The following ACVR1 variants were observed in gnomAD, a reference collection of about 807,000 sequenced individuals.
The protein encoded by ACVR1 is activin A receptor type 1, also known as activin receptor type-1.
Under a neutral mutation model 57.1 loss-of-function variants are expected in ACVR1, and 38 were observed. The observed-to-expected ratio is 0.67, with a 90% CI of 0.51 to 0.87. ACVR1 has a LOEUF of 0.87. Ranked by LOEUF, ACVR1 falls within the 40% of genes least tolerant of loss-of-function variation. The pLI is 0.00. For synonymous variants in ACVR1, 212 were observed against 228.1 expected (o/e 0.93, Z 0.63); for missense variants, 463 against 638.2 (o/e 0.73, Z 2.96).
rs112259407 is a variant in ACVR1, at chr2:157,844,633, C to T, written c.-182-26074G>A. Among the ~76,000 whole-genome samples, 202 of 152,186 alleles carry T rather than the reference C, an allele frequency of 1.3e-3. 1 individual carries two copies. Among genetic ancestry groups the T allele is most frequent in the African/African-American group, 4.0e-3 (164 of 41,514 alleles). On this transcript the variant is annotated intron_variant, in intron 1 of 10. Coordinates refer to ENST00000434821, the MANE Select transcript of ACVR1 (RefSeq NM_001111067.4). ...AAAAAAATTGATCATCTGATAGATGCTGTTTCTGAAGCACCACAGAGCTAG... is the reference window on the plus strand; with the variant it reads ...AAAAAAATTGATCATCTGATAGATGTTGTTTCTGAAGCACCACAGAGCTAG...
At chr2:157,748,937 T>C (rs935967184) in intron 9 of ACVR1, among the ~76,000 whole-genome samples, 6 of 152,212 alleles carry the variant, frequency 3.9e-5, no homozygotes, top group African/African-American at 9.6e-5. Context: ...AAACAGCTAT[T>C]AGAGACTTCA....
chr2:157,849,881 A>G (rs969223474), intron 1 of ACVR1, among the ~76,000 whole-genome samples: 1 of 152,178 alleles, frequency 6.6e-6, no homozygotes, highest in East Asian at 1.9e-4. Flanking sequence ...CTGGCTTTCA[A>G]CTTGAAATCA....
At chr2:157,818,619 T>C (rs1306749660) in intron 1 of ACVR1, 60 bp from the exon 2 acceptor site, 2 of 152,230 alleles carry the variant, frequency 1.3e-5, no homozygotes, top group South Asian at 4.1e-4. Flanking sequence ...CAGTTGTGAA[T>C]GTGGTGGCTA....
chr2:157,812,298 G>A (rs576007835), intron 2 of ACVR1, among the ~76,000 whole-genome samples: 1 of 152,242 alleles, frequency 6.6e-6, no homozygotes, highest in South Asian at 2.1e-4. Context: ...TTCTTCAACA[G>A]AGAAACTGTA....
chr2:157,800,923 C>T (rs1296533218), intron 2 of ACVR1, among the ~76,000 whole-genome samples: 1 of 152,032 alleles, frequency 6.6e-6, no homozygotes, highest in African/African-American at 2.4e-5. Flanking sequence ...TTGCCTCCTC[C>T]TGTCATACAT....
chr2:157,841,948 AC>A (rs1439893093), intron 1 of ACVR1, among the ~76,000 whole-genome samples: 1 of 143,636 alleles, frequency 7.0e-6, no homozygotes, highest in East Asian at 2.1e-4. Context: ...AATGGCATGA[AC>A]CCGGGAGGCA....
chr2:157,782,757 C>T (rs1323399092), intron 3 of ACVR1, among the ~76,000 whole-genome samples: 1 of 152,080 alleles, frequency 6.6e-6, no homozygotes, highest in East Asian at 1.9e-4. Context: ...TGATCTATGG[C>T]AGAGAATTGA....
chr2:157,765,034 T>A (rs1685810214), intron 8 of ACVR1, among the ~76,000 whole-genome samples: 3 of 152,144 alleles, frequency 2.0e-5, no homozygotes. Context: ...ATTGCAATAA[T>A]ATAAATATCA....
intron 1 of ACVR1, among the ~76,000 whole-genome samples, chr2:157,853,500 G>A (rs1282071903): frequency 6.6e-6 from 1 of 152,170 alleles, no homozygotes; most frequent in Admixed American, 6.5e-5. Flanking sequence ...GAGGGTCAGG[G>A]TTTCAGCACA....
chr2:157,836,175 TCTCTACTTTG>T (rs1326151903), intron 1 of ACVR1, among the ~76,000 whole-genome samples: 1 of 152,260 alleles, frequency 6.6e-6, no homozygotes, highest in Non-Finnish European at 1.5e-5. Context: ...CAGAGCAGGC[TCTCTACTTTG>T]CTGTGTAAAT....
At chr2:157,850,832 C>T (rs546909511) in intron 1 of ACVR1, among the ~76,000 whole-genome samples, 1 of 152,174 alleles carries the variant, frequency 6.6e-6, no homozygotes, top group South Asian at 2.1e-4. Context: ...TGGTGCACAT[C>T]TGTAATCCCA....
chr2:157,857,443 C>T (rs1335211049), intron 1 of ACVR1, among the ~76,000 whole-genome samples: 2 of 151,764 alleles, frequency 1.3e-5, no homozygotes, highest in Non-Finnish European at 2.9e-5. Flanking sequence ...TCTTCCTCCA[C>T]CATAAGGAAG....
chr2:157,868,213 G>A (rs907065798), intron 1 of ACVR1, among the ~76,000 whole-genome samples: 54 of 152,180 alleles, frequency 3.5e-4, no homozygotes, highest in Admixed American at 2.6e-3. Flanking sequence ...TGCCAGGCAC[G>A]GTGGCTAGCG....
At chr2:157,767,100 C>T (rs193294717) in intron 7 of ACVR1, among the ~76,000 whole-genome samples, 17 of 152,072 alleles carry the variant, frequency 1.1e-4, no homozygotes, top group African/African-American at 2.9e-4. Context: ...GGCGCGATCT[C>T]GGTTCACTGC....
At chr2:157,796,083 G>A (rs1332548703) in intron 3 of ACVR1, among the ~76,000 whole-genome samples, 1 of 151,904 alleles carries the variant, frequency 6.6e-6, no homozygotes, top group Non-Finnish European at 1.5e-5. Flanking sequence ...AGTTAGCCAG[G>A]CATGGTTCCC....
intron 1 of ACVR1, among the ~76,000 whole-genome samples, chr2:157,846,927 G>T (rs951306027): frequency 5.3e-5 from 8 of 152,302 alleles, no homozygotes; most frequent in Admixed American, 4.6e-4. Flanking sequence ...ACTGAGAATA[G>T]CAGTTATATT....
At chr2:157,812,114 T>C (rs1687772453) in intron 2 of ACVR1, among the ~76,000 whole-genome samples, 1 of 152,232 alleles carries the variant, frequency 6.6e-6, no homozygotes. Flanking sequence ...CCTGGTTCGG[T>C]CCACTAAACG....
chr2:157,830,768 A>G (rs940252937), intron 1 of ACVR1, among the ~76,000 whole-genome samples: 1 of 150,974 alleles, frequency 6.6e-6, no homozygotes. Context: ...TTTTTCCCAG[A>G]GAATTATTCC....
chr2:157,837,063 T>A (rs1183734602), intron 1 of ACVR1, among the ~76,000 whole-genome samples: 1 of 152,268 alleles, frequency 6.6e-6, no homozygotes, highest in Non-Finnish European at 1.5e-5. Flanking sequence ...TACAGATACC[T>A]ACTTCCTAAT....
Sources: gnomAD v4.1 joint callset for allele counts (sites outside exome capture counted in the v4.1 genomes callset) on GRCh38, gnomAD v4.1.1 for gene constraint, MANE v1.5 for transcripts, NCBI Gene and HGNC (gene_info 2026-07-23, HGNC 2026-07-21) for gene names.